Variants in FNDC7 observed in about 807,000 individuals in gnomAD.
The protein encoded by FNDC7 is fibronectin type III domain-containing protein 7.
Under a neutral mutation model 74.2 loss-of-function variants are expected in FNDC7, and 66 were observed. The ratio of observed to expected loss-of-function variants is 0.89; its 90% CI spans 0.73 to 1.09. FNDC7 has a LOEUF of 1.09. Ranked by LOEUF, FNDC7 falls within the 50% of genes least tolerant of loss-of-function variation. The pLI, the probability that FNDC7 is intolerant of heterozygous loss-of-function variation, is 0.00. For synonymous variants in FNDC7, 307 were observed against 330.2 expected (o/e 0.93, Z 0.76); for missense variants, 829 against 893.4 (o/e 0.93, Z 0.92).
chr1:108,739,794 A>C (rs1463626114), intron 11 of FNDC7, among the ~76,000 whole-genome samples: 1 of 152,132 alleles, frequency 6.6e-6, no homozygotes, highest in Non-Finnish European at 1.5e-5. Flanking sequence ...CTGTCCTTCT[A>C]GGCTTCAGCT....
intron 7 of FNDC7, 66 bp downstream of exon 7, chr1:108,728,131 A>G (rs887987884): frequency 2.2e-5 from 35 of 1,557,162 alleles, no homozygotes; most frequent in Non-Finnish European, 3.1e-5. Flanking sequence ...GAGCCTCAGG[A>G]TGGGCATTCA....
chr1:108,732,770 CT>C (rs1661420773), intron 9 of FNDC7, among the ~76,000 whole-genome samples: 2 of 149,400 alleles, frequency 1.3e-5, no homozygotes, highest in Admixed American at 1.3e-4. Flanking sequence ...GTCTTTCTTT[CT>C]TTTTCTTTCT....
chr1:108,731,187 A>ATATGAC (rs1661336592), intron 9 of FNDC7, among the ~76,000 whole-genome samples: 1 of 152,226 alleles, frequency 6.6e-6, no homozygotes, highest in South Asian at 2.1e-4. Flanking sequence ...ATGTATCTTT[A>ATATGAC]TATGACATAG....
Position 108,722,388 on chromosome 1 carries a change from G to A in FNDC7, c.652G>A (p.Ala218Thr), listed in dbSNP as rs763287524. ...QVSFDSGALK[A>T]SFSWARAEGA... ...CTCTTTCGATAGTGGAGCTCTGAAG[G>A]CATCTTTTTCCTGGGCACGGGCAGA... The change falls in exon 5 of 13, where the codon GCA becomes ACA. Residue 218 changes from alanine to threonine, a missense_variant. Transcript: ENST00000370017. 5.0e-6 allele frequency: 8 copies of A among 1,614,022 alleles called. No homozygotes were observed. Among genetic ancestry groups the A allele is most frequent in the Middle Eastern group, 1.6e-4 (1 of 6,070 alleles).
At chr1:108,726,139 C>A in intron 6 of FNDC7, 135 bp downstream of exon 6, 1 of 1,155,880 alleles carries the variant, frequency 8.7e-7, no homozygotes, top group Non-Finnish European at 1.2e-6. Flanking sequence ...AATCTCTTAT[C>A]TCACATTCTT....
chr1:108,718,734 A>G, intron 3 of FNDC7, 55 bp from the exon 4 acceptor site: 1 of 1,522,456 alleles, frequency 6.6e-7, no homozygotes, highest in Non-Finnish European at 8.9e-7. Context: ...TCTAAATTTG[A>G]ATTATCCTCT....
intron 4 of FNDC7, among the ~76,000 whole-genome samples, chr1:108,719,939 T>A (rs1570725624): frequency 2.0e-5 from 3 of 152,132 alleles, no homozygotes; most frequent in African/African-American, 7.2e-5. Flanking sequence ...TCTCCAACTT[T>A]CCCTAAGTTT....
intron 8 of FNDC7, among the ~76,000 whole-genome samples, chr1:108,729,586 T>C (rs947466115): frequency 2.0e-5 from 3 of 151,898 alleles, no homozygotes; most frequent in African/African-American, 7.3e-5. Flanking sequence ...TTCAATTTCC[T>C]GATAGGTAAA....
Position 108,717,903 on chromosome 1 carries a change from A to C in FNDC7, c.209A>C (p.Glu70Ala). ...LTAEDGDTVI[E>A]TTVANSPGTV... ...GCTGAAGACGGGGACACAGTCATTGAAACCACGGTGGCCAATTCCCCAGGC... is the reference window on the plus strand; with the variant it reads ...GCTGAAGACGGGGACACAGTCATTGCAACCACGGTGGCCAATTCCCCAGGC... The change falls in exon 3 of 13, where the codon GAA becomes GCA. Residue 70 changes from glutamate (E) to alanine (A), a missense_variant. Coordinates refer to ENST00000370017, the MANE Select transcript of FNDC7 (RefSeq NM_001144937.3). 1 of 1,551,748 alleles carries C rather than the reference A, an allele frequency of 6.4e-7. No homozygotes were observed. The highest frequency in any genetic ancestry group is 2.4e-5 in the East Asian group (1 of 40,924).
At position 108,730,861 on chromosome 1, in the gene FNDC7, A is replaced by C; in HGVS notation, c.1812A>C (p.Thr604=). 1 of 1,614,012 alleles carries C rather than the reference A, an allele frequency of 6.2e-7. No homozygotes were observed. Among genetic ancestry groups the C allele is most frequent in the East Asian group, 2.2e-5 (1 of 44,870 alleles). Reference sequence around the variant, plus strand: ...GCATCACATGTGGCATCAATTACACAGTGACATTAAAAGCAATTAGTGCCA... The same window carrying C: ...GCATCACATGTGGCATCAATTACACCGTGACATTAAAAGCAATTAGTGCCA... The part of the protein sequence containing the change: ...LGCITCGINY[T]VTLKAISATG... Residue 604 remains threonine, a synonymous_variant, in exon 9 of 13, where the codon ACA becomes ACC. Coordinates refer to ENST00000370017, the MANE Select transcript of FNDC7 (RefSeq NM_001144937.3).
chr1:108,732,341 CAAA>C (rs67731443), intron 9 of FNDC7, among the ~76,000 whole-genome samples: 20 of 103,212 alleles, frequency 1.9e-4, no homozygotes, highest in Admixed American at 6.5e-4. Flanking sequence ...GACTCCGTCT[CAAA>C]AAAAAAAAAA....
chr1:108,718,137 A>G (rs1661020463), intron 3 of FNDC7, 106 bp downstream of exon 3: 3 of 1,393,764 alleles, frequency 2.2e-6, no homozygotes, highest in South Asian at 1.4e-5. Flanking sequence ...ATGAGTGCCT[A>G]CAATTCAAGG....
In FNDC7 at chr1:108,733,689, C is replaced by T. The variant is rs534419198; in HGVS notation, c.2140+157C>T. On this transcript the variant is annotated intron_variant, in intron 10 of 12. Transcript: ENST00000370017. ...TTTTTTTGAGACAGTCTCACTCTGT[C>T]GCCCAGGCTGGAGTGCAATGGCATG... 4.4e-5 allele frequency among the ~76,000 whole-genome samples: 6 copies of T among 136,472 alleles called. No individual in the cohort carries two copies. The East Asian group carries it at 1.3e-3, about 29-fold the overall frequency. The allele number at this position is 136,472 out of a possible 152,430, so 89.5% of individuals were successfully genotyped here. A position where few individuals can be genotyped will look rare whatever the true frequency, so the allele number is the denominator to read the frequency against.
At chr1:108,728,291 G>A (rs982282135) in intron 7 of FNDC7, among the ~76,000 whole-genome samples, 3 of 152,182 alleles carry the variant, frequency 2.0e-5, no homozygotes, top group Non-Finnish European at 2.9e-5. Flanking sequence ...AGAGTAGAAG[G>A]TTTTGCCCAT....
chr1:108,721,241 G>T (rs185108163), intron 4 of FNDC7, among the ~76,000 whole-genome samples: 1 of 152,132 alleles, frequency 6.6e-6, no homozygotes, highest in East Asian at 1.9e-4. Context: ...AGGCTGAGGC[G>T]GGTGGATCAC....
chr1:108,741,628 A>G (rs1243605873), intron 11 of FNDC7, 145 bp from the exon 12 acceptor site: 4 of 806,324 alleles, frequency 5.0e-6, no homozygotes, highest in Non-Finnish European at 8.2e-6. Context: ...CAGTTGTCAT[A>G]GTTTCATGTT....
rs1343722798 is a variant in FNDC7, at chr1:108,727,847, C to T, written c.1151C>T (p.Ser384Phe). The T allele has an allele frequency of 5.0e-6, 8 of 1,614,126 alleles. No homozygotes were observed. Among genetic ancestry groups the T allele is most frequent in the Non-Finnish European group, 6.8e-6 (8 of 1,180,030 alleles). Residue 384 changes from serine to phenylalanine, a missense_variant, in exon 7 of 13, where the codon TCC becomes TTC. Coordinates refer to ENST00000370017, the MANE Select transcript of FNDC7 (RefSeq NM_001144937.3). ...AGTGACATTAACCCCGTGTTGGTGT[C>T]CAGTGACAGAGTTGAGATTGTCTGG... is the stretch of plus-strand genomic sequence containing the variant. ...CPSDINPVLV[S>F]SDRVEIVWSP...
Position 108,729,550 on chromosome 1 carries a change from A to C in FNDC7, c.1624+664A>C, listed in dbSNP as rs1295763068. On this transcript the variant is annotated intron_variant, in intron 8 of 12. Coordinates refer to ENST00000370017, the MANE Select transcript of FNDC7 (RefSeq NM_001144937.3). ...GGCAATAGAGTGAGATTCCGTCACA[A>C]AAAAAAAAAAAAATGCTTTCTGACT... 8.2e-5 allele frequency among the ~76,000 whole-genome samples: 12 copies of C among 146,860 alleles called. No homozygotes were observed. The East Asian group carries it at 1.2e-3, about 14-fold the overall frequency.
intron 11 of FNDC7, among the ~76,000 whole-genome samples, chr1:108,739,686 C>T (rs930383110): frequency 6.6e-5 from 10 of 152,152 alleles, no homozygotes; most frequent in African/African-American, 2.2e-4. Context: ...CAGGTCCTGG[C>T]CTAGTGAAGT....
Sources: allele counts gnomAD v4.1 joint callset (sites outside exome capture counted in the v4.1 genomes callset), GRCh38; gene constraint gnomAD v4.1.1; transcripts MANE v1.5; gene names NCBI Gene and HGNC (gene_info 2026-07-23, HGNC 2026-07-21).